The following PTK2 variants were observed in gnomAD, a reference collection of about 807,000 sequenced individuals.
PTK2 encodes protein tyrosine kinase 2.
PTK2 carries 45 observed loss-of-function variants against 150.1 expected under a neutral mutation model. The ratio of observed to expected loss-of-function variants is 0.30; its 90% CI spans 0.24 to 0.38. PTK2 has a LOEUF of 0.38. Among genes scored for constraint, PTK2 ranks in the 10% least tolerant of loss-of-function variants. The pLI is 1.00. For synonymous variants in PTK2, 432 were observed against 449.2 expected (o/e 0.96, Z 0.48); for missense variants, 919 against 1,307.3 (o/e 0.70, Z 4.58).
intron 11 of PTK2, among the ~76,000 whole-genome samples, chr8:140,801,583 A>G (rs914767176): frequency 6.6e-5 from 10 of 152,190 alleles, no homozygotes; most frequent in African/African-American, 2.4e-4. Context: ...CAAAGTATCT[A>G]CTTCCTTGGT....
chr8:140,892,075 G>C (rs1017850309), intron 2 of PTK2, among the ~76,000 whole-genome samples: 2 of 152,186 alleles, frequency 1.3e-5, no homozygotes, highest in Admixed American at 6.5e-5. Context: ...GGGCGTGGTA[G>C]CGTGTTCCTG....
chr8:140,989,856 C>T (rs1490550301), intron 1 of PTK2, among the ~76,000 whole-genome samples: 3 of 149,740 alleles, frequency 2.0e-5, no homozygotes, highest in Non-Finnish European at 4.4e-5. Context: ...TGCGGTGAGC[C>T]GAGGTTGCAC....
intron 2 of PTK2, among the ~76,000 whole-genome samples, chr8:140,892,241 A>C (rs545590222): frequency 1.3e-5 from 2 of 151,632 alleles, no homozygotes; most frequent in Non-Finnish European, 2.9e-5. Flanking sequence ...ACACACACAA[A>C]ACCACAGATC....
At chr8:140,761,057 T>C in intron 16 of PTK2, 108 bp downstream of exon 19, 4 of 742,326 alleles carry the variant, frequency 5.4e-6, no homozygotes, top group South Asian at 1.9e-5. Flanking sequence ...AAGACACCCG[T>C]AAATATTAAT....
exon 11 of PTK2, chr8:140,803,632 A>T: frequency 6.2e-7 from 1 of 1,613,804 alleles, no homozygotes; most frequent in Non-Finnish European, 8.5e-7. Context: ...ACTTGAGTGA[A>T]GTCAGCAAGA....
At chr8:140,774,792 T>C (rs1486055384) in intron 14 of PTK2, among the ~76,000 whole-genome samples, 5 of 152,206 alleles carry the variant, frequency 3.3e-5, no homozygotes, top group African/African-American at 4.8e-5. Flanking sequence ...TATATGCTAA[T>C]TATAATGCAT....
intron 1 of PTK2, among the ~76,000 whole-genome samples, chr8:140,932,176 C>A (rs1157898865): frequency 2.0e-5 from 3 of 152,086 alleles, no homozygotes; most frequent in Non-Finnish European, 4.4e-5. Context: ...AACATAATCA[C>A]GCAATTTTTA....
chr8:140,671,990 A>C (rs1456375251), intron 29 of PTK2, among the ~76,000 whole-genome samples: 1 of 151,838 alleles, frequency 6.6e-6, no homozygotes, highest in Non-Finnish European at 1.5e-5. Context: ...TATTATTTTC[A>C]AGATTTCAAT....
At chr8:140,663,273 A>G (rs2083524476) in intron 31 of PTK2, among the ~76,000 whole-genome samples, 2 of 152,242 alleles carry the variant, frequency 1.3e-5, no homozygotes, top group Admixed American at 1.3e-4. Context: ...ATGTGCTGAC[A>G]TGTTAAAAGG....
At chr8:140,929,541 TATC>T (rs1159675877) in intron 1 of PTK2, among the ~76,000 whole-genome samples, 1 of 152,094 alleles carries the variant, frequency 6.6e-6, no homozygotes, top group African/African-American at 2.4e-5. Context: ...TAATTACTAA[TATC>T]ATCATTTTCA....
chr8:140,715,485 T>C (rs1480397603), intron 23 of PTK2, among the ~76,000 whole-genome samples: 1 of 152,064 alleles, frequency 6.6e-6, no homozygotes, highest in African/African-American at 2.4e-5. Context: ...ATTAAAACTT[T>C]TAATCTGGGG....
chr8:140,912,503 T>A (rs958595272), intron 2 of PTK2, among the ~76,000 whole-genome samples: 1 of 151,906 alleles, frequency 6.6e-6, no homozygotes, highest in Non-Finnish European at 1.5e-5. Context: ...TTTTAAACAC[T>A]ATAATTCATC....
intron 25 of PTK2, among the ~76,000 whole-genome samples, chr8:140,701,680 A>G (rs2100030532): frequency 6.6e-6 from 1 of 152,224 alleles, no homozygotes; most frequent in Non-Finnish European, 1.5e-5. Context: ...CGTTGGCCTC[A>G]TGTACATGCT....
chr8:140,762,494 A>G (rs2100069956), intron 15 of PTK2, 106 bp from the exon 18 acceptor site: 1 of 407,478 alleles, frequency 2.5e-6, no homozygotes, highest in Non-Finnish European at 3.4e-6. Flanking sequence ...AACAATACTT[A>G]ATTTTTAAAA....
chr8:140,851,932 T>C (rs148487255), intron 5 of PTK2, among the ~76,000 whole-genome samples: 62 of 151,768 alleles, frequency 4.1e-4, no homozygotes, highest in African/African-American at 1.4e-3. Context: ...TGATGTTGAG[T>C]GTGTGTGTGC....
At chr8:140,998,284 C>T (rs1298943220) in intron 1 of PTK2, among the ~76,000 whole-genome samples, 1 of 152,066 alleles carries the variant, frequency 6.6e-6, no homozygotes, top group Admixed American at 6.6e-5. Flanking sequence ...CTTTGAAATG[C>T]ATCTTTTGTA....
intron 5 of PTK2, among the ~76,000 whole-genome samples, chr8:140,852,691 C>T (rs937596174): frequency 6.6e-6 from 1 of 152,086 alleles, no homozygotes; most frequent in African/African-American, 2.4e-5. Context: ...GGGAAATGTA[C>T]GGGTACTATG....
chr8:140,762,939 C>G (rs1178145082), intron 15 of PTK2, among the ~76,000 whole-genome samples: 1 of 152,112 alleles, frequency 6.6e-6, no homozygotes, highest in African/African-American at 2.4e-5. Flanking sequence ...TGCTACCACG[C>G]CTGCCTAATT....
chr8:140,722,300 G>A (rs967101895), intron 22 of PTK2, among the ~76,000 whole-genome samples: 3 of 151,958 alleles, frequency 2.0e-5, no homozygotes, highest in Non-Finnish European at 4.4e-5. Context: ...TTTGAGACAG[G>A]GTCTAACTCT....
Sources: allele counts gnomAD v4.1 joint callset (sites outside exome capture counted in the v4.1 genomes callset), GRCh38; gene constraint gnomAD v4.1.1; transcripts MANE v1.5; gene names NCBI Gene and HGNC (gene_info 2026-07-23, HGNC 2026-07-21).